Variants in CTNNA3 observed in about 807,000 individuals in gnomAD.
CTNNA3 encodes the protein catenin alpha-3.
CTNNA3 carries 76 observed loss-of-function variants against 95.7 expected under a neutral mutation model. The observed-to-expected ratio is 0.79, with a 90% confidence interval of 0.66 to 0.96. The LOEUF is 0.96. CTNNA3 is among the 40% of genes least tolerant of loss of function. CTNNA3 has a pLI of 0.00. For missense variants in CTNNA3, 1,191 were observed against 1,089.8 expected (o/e 1.09, Z -1.31); for synonymous variants, 431 against 374.4 (o/e 1.15, Z -1.74).
chr10:67,518,630 T>C (rs1839893023), intron 5 of CTNNA3, among the ~76,000 whole-genome samples: 1 of 152,178 alleles, frequency 6.6e-6, no homozygotes, highest in South Asian at 2.1e-4. Context: ...ATGTGTTTTA[T>C]AATGTTATTA....
chr10:66,741,471 C>T (rs1160734382), intron 9 of CTNNA3, among the ~76,000 whole-genome samples: 1 of 152,160 alleles, frequency 6.6e-6, no homozygotes, highest in African/African-American at 2.4e-5. Context: ...TGGGTAATTT[C>T]AATTTACAAG....
At chr10:67,370,975 T>G (rs953658740) in intron 5 of CTNNA3, among the ~76,000 whole-genome samples, 2 of 148,978 alleles carry the variant, frequency 1.3e-5, no homozygotes, top group Admixed American at 6.6e-5. Context: ...CACGCCATTC[T>G]CCTGCCTCAG....
chr10:66,228,260 T>C (rs2089418318), intron 13 of CTNNA3, among the ~76,000 whole-genome samples: 2 of 152,126 alleles, frequency 1.3e-5, no homozygotes, highest in South Asian at 4.1e-4. Flanking sequence ...AATGCATCAT[T>C]AGGTTGTTTA....
chr10:67,247,093 C>T (rs966790209), intron 5 of CTNNA3, among the ~76,000 whole-genome samples: 1 of 152,258 alleles, frequency 6.6e-6, no homozygotes, highest in South Asian at 2.1e-4. Flanking sequence ...AAATAAAAAA[C>T]TAAACAAGGA....
intron 10 of CTNNA3, among the ~76,000 whole-genome samples, chr10:66,547,032 G>A (rs1330026463): frequency 1.3e-5 from 2 of 152,070 alleles, no homozygotes; most frequent in Non-Finnish European, 2.9e-5. Flanking sequence ...ATTTTGGGTT[G>A]TCTGGAGAAT....
chr10:67,566,711 C>G (rs1841816244), intron 3 of CTNNA3, among the ~76,000 whole-genome samples: 1 of 152,058 alleles, frequency 6.6e-6, no homozygotes, highest in Non-Finnish European at 1.5e-5. Context: ...GCTATAAAGA[C>G]ACATGCACAT....
chr10:67,468,281 C>T (rs1847679073), intron 5 of CTNNA3, among the ~76,000 whole-genome samples: 1 of 151,880 alleles, frequency 6.6e-6, no homozygotes, highest in South Asian at 2.1e-4. Flanking sequence ...GTAGTCCCAG[C>T]TACTCAGGAG....
chr10:66,531,422 C>T (rs1165998501), intron 10 of CTNNA3, among the ~76,000 whole-genome samples: 5 of 152,106 alleles, frequency 3.3e-5, no homozygotes, highest in Non-Finnish European at 5.9e-5. Context: ...TGGAGGCTTG[C>T]TCTGTTGCCC....
intron 7 of CTNNA3, among the ~76,000 whole-genome samples, chr10:66,848,540 A>G (rs1843363858): frequency 6.6e-6 from 1 of 152,178 alleles, no homozygotes; most frequent in Non-Finnish European, 1.5e-5. Flanking sequence ...AAACTCTCCC[A>G]GTGGCCCTTA....
intron 1 of CTNNA3, among the ~76,000 whole-genome samples, chr10:67,674,840 A>G (rs1453542814): frequency 6.6e-6 from 1 of 152,148 alleles, no homozygotes; most frequent in Non-Finnish European, 1.5e-5. Context: ...TATTGTAAAT[A>G]TAATCTTTTG....
intron 16 of CTNNA3, among the ~76,000 whole-genome samples, chr10:65,975,546 T>C (rs542933337): frequency 2.6e-5 from 4 of 152,150 alleles, no homozygotes; most frequent in Non-Finnish European, 5.9e-5. Context: ...AAGACGCAAA[T>C]ATTTTCCCCA....
intron 12 of CTNNA3, among the ~76,000 whole-genome samples, chr10:66,312,811 C>G (rs2092042515): frequency 6.6e-6 from 1 of 152,118 alleles, no homozygotes; most frequent in African/African-American, 2.4e-5. Flanking sequence ...TCCCAAAGTG[C>G]TGGGATTACA....
At chr10:66,242,041 A>G (rs1032996526) in intron 13 of CTNNA3, among the ~76,000 whole-genome samples, 12 of 152,046 alleles carry the variant, frequency 7.9e-5, no homozygotes, top group African/African-American at 2.9e-4. Context: ...TTAATCCCCA[A>G]TGTGGCAGCA....
intron 11 of CTNNA3, among the ~76,000 whole-genome samples, chr10:66,458,502 C>T (rs1185608410): frequency 6.6e-6 from 1 of 152,142 alleles, no homozygotes; most frequent in Non-Finnish European, 1.5e-5. Flanking sequence ...CACATTGTTT[C>T]ACAACCATCA....
At chr10:66,447,330 A>C (rs1288743578) in intron 11 of CTNNA3, among the ~76,000 whole-genome samples, 2 of 151,046 alleles carry the variant, frequency 1.3e-5, no homozygotes, top group Non-Finnish European at 2.9e-5. Context: ...ACTACTTTAA[A>C]GGTCATATGG....
chr10:67,064,708 A>C (rs1855963285), intron 7 of CTNNA3, among the ~76,000 whole-genome samples: 1 of 152,184 alleles, frequency 6.6e-6, no homozygotes, highest in Admixed American at 6.5e-5. Context: ...GTTAAGATGA[A>C]CTGTGTGAGG....
intron 12 of CTNNA3, among the ~76,000 whole-genome samples, chr10:66,351,803 C>A (rs2092569002): frequency 6.6e-6 from 1 of 151,820 alleles, no homozygotes; most frequent in Admixed American, 6.6e-5. Context: ...TATTAAAGAT[C>A]TCTCATATAC....
intron 13 of CTNNA3, among the ~76,000 whole-genome samples, chr10:66,218,471 G>A (rs141832775): frequency 4.6e-5 from 7 of 152,098 alleles, no homozygotes; most frequent in African/African-American, 9.7e-5. Context: ...CCCTATAGGC[G>A]AGCTCAGTTC....
intron 5 of CTNNA3, among the ~76,000 whole-genome samples, chr10:67,394,244 C>G (rs1212101239): frequency 6.6e-6 from 1 of 150,858 alleles, no homozygotes; most frequent in East Asian, 1.9e-4. Flanking sequence ...AACTTTATAT[C>G]TCAGTATTTA....
Sources: allele counts gnomAD v4.1 joint callset (sites outside exome capture counted in the v4.1 genomes callset), GRCh38; gene constraint gnomAD v4.1.1; transcripts MANE v1.5; gene names NCBI Gene and HGNC (gene_info 2026-07-23, HGNC 2026-07-21).